GLDC: variants seen among roughly 807,000 people sequenced by gnomAD.
GLDC encodes the protein glycine decarboxylase.
Under a neutral mutation model 121.3 loss-of-function variants are expected in GLDC, and 104 were observed. The observed-to-expected ratio is 0.86, with a 90% CI of 0.73 to 1.01. The LOEUF is 1.01. Ranked by LOEUF, GLDC falls within the 50% of genes least tolerant of loss-of-function variation. The pLI is 0.00. For synonymous variants in GLDC, 546 were observed against 480.6 expected, an observed-to-expected ratio of 1.14 and a Z score of -1.78; for missense variants, 1,429 against 1,306.6, an observed-to-expected ratio of 1.09 and a Z score of -1.44.
At chr9:6,592,114 TGAG>T (rs1818385991) in intron 11 of GLDC, 26 bp downstream of exon 11, 1 of 1,344,132 alleles carries the variant, frequency 7.4e-7, no homozygotes, top group African/African-American at 1.4e-5. Flanking sequence ...ATAGTTATGA[TGAG>T]GAACGCATGT....
At chr9:6,565,597 G>A (rs1027728379) in intron 15 of GLDC, 168 bp from the exon 16 acceptor site, 3 of 695,992 alleles carry the variant, frequency 4.3e-6, no homozygotes, top group Non-Finnish European at 5.3e-6. Flanking sequence ...AAAAGGTCTT[G>A]AACAATCAAA....
intron 16 of GLDC, among the ~76,000 whole-genome samples, chr9:6,564,726 C>T (rs1817820771): frequency 6.6e-6 from 1 of 152,232 alleles, no homozygotes; most frequent in Non-Finnish European, 1.5e-5. Context: ...CAGGCACTGC[C>T]CCTGGGGGGA....
At chr9:6,605,490 C>G (rs891095166) in intron 5 of GLDC, 2 of 612,034 alleles carry the variant, frequency 3.3e-6, no homozygotes, top group African/African-American at 3.6e-5. Context: ...TTCCTCTCTT[C>G]TATCCTCTGA....
At chr9:6,576,671 T>A (rs1240532583) in intron 15 of GLDC, among the ~76,000 whole-genome samples, 5 of 152,134 alleles carry the variant, frequency 3.3e-5, no homozygotes, top group Admixed American at 2.6e-4. Flanking sequence ...TTCACTACGT[T>A]GGCCAGGCTG....
At chr9:6,623,899 A>C (rs1411311998) in intron 2 of GLDC, among the ~76,000 whole-genome samples, 1 of 152,246 alleles carries the variant, frequency 6.6e-6, no homozygotes, top group Non-Finnish European at 1.5e-5. Context: ...GTAGGAGGAA[A>C]GATTAATTAG....
chr9:6,551,543 A>T (rs1429790144), intron 20 of GLDC, among the ~76,000 whole-genome samples: 1 of 152,196 alleles, frequency 6.6e-6, no homozygotes, highest in African/African-American at 2.4e-5. Flanking sequence ...TTAAATACAT[A>T]ACTAATGTAA....
intron 2 of GLDC, among the ~76,000 whole-genome samples, chr9:6,643,617 C>G (rs927565751): frequency 6.6e-6 from 1 of 151,672 alleles, no homozygotes; most frequent in South Asian, 2.1e-4. Context: ...CATAAAAATA[C>G]CCCTGAAAAG....
Position 6,578,126 on chromosome 9 carries a change from GCTT to G in GLDC, c.1850+9012_1850+9014del, listed in dbSNP as rs569248028. Among the ~76,000 whole-genome samples, 24 of 151,718 alleles carry G rather than the reference GCTT, an allele frequency of 1.6e-4. 1 individual carries two copies. In the East Asian group the frequency reaches 3.9e-3, roughly 25 times the overall value. ...GACTAAGTCTCACTATCTGGTCCAG[GCTT>G]CTTTTTTTTTCGAGACAGGATCTTG... On this transcript the variant is annotated intron_variant, in intron 15 of 24. Coordinates refer to ENST00000321612, the MANE Select transcript of GLDC (RefSeq NM_000170.3).
intron 15 of GLDC, among the ~76,000 whole-genome samples, chr9:6,571,767 C>G (rs973749951): frequency 6.6e-6 from 1 of 152,180 alleles, no homozygotes; most frequent in Admixed American, 6.6e-5. Flanking sequence ...TATTTTTGAG[C>G]CAGTTGACCA....
chr9:6,601,710 A>T (rs1173586725), intron 8 of GLDC, among the ~76,000 whole-genome samples: 3 of 152,032 alleles, frequency 2.0e-5, no homozygotes, highest in Non-Finnish European at 2.9e-5. Context: ...CTGCAGCCTC[A>T]ACCTCCCAGA....
At chr9:6,586,214 G>C (rs1418225170) in intron 15 of GLDC, among the ~76,000 whole-genome samples, 1 of 152,136 alleles carries the variant, frequency 6.6e-6, no homozygotes, top group Non-Finnish European at 1.5e-5. Flanking sequence ...AGAATCTCTT[G>C]AATGCAGGAG....
intron 15 of GLDC, chr9:6,567,124 A>G (rs1203938931): frequency 1.3e-5 from 2 of 151,536 alleles, no homozygotes; most frequent in African/African-American, 2.4e-5. Context: ...GGGTTTAGCT[A>G]AAATAAAAAA....
intron 3 of GLDC, among the ~76,000 whole-genome samples, chr9:6,614,796 C>T (rs989835651): frequency 2.6e-5 from 4 of 152,128 alleles, no homozygotes; most frequent in African/African-American, 7.2e-5. Context: ...ATAGAGTGTA[C>T]TTACGTGTAC....
chr9:6,634,803 G>C (rs1305920756), intron 2 of GLDC, among the ~76,000 whole-genome samples: 1 of 152,032 alleles, frequency 6.6e-6, no homozygotes, highest in East Asian at 1.9e-4. Flanking sequence ...ACCTGCATTA[G>C]TTTGGAGGCT....
intron 1 of GLDC, 86 bp from the exon 2 acceptor site, chr9:6,644,778 A>G: frequency 1.1e-6 from 1 of 899,446 alleles, no homozygotes; most frequent in Admixed American, 1.7e-5. Flanking sequence ...CCTTGTGGGA[A>G]CCTCATTGAA....
chr9:6,537,879 A>G (rs969274773), intron 22 of GLDC, among the ~76,000 whole-genome samples: 7 of 152,180 alleles, frequency 4.6e-5, no homozygotes, highest in African/African-American at 1.7e-4. Context: ...TGTTTGCTTT[A>G]TCACATCTAC....
chr9:6,598,970 C>T (rs1818544534), intron 8 of GLDC, among the ~76,000 whole-genome samples: 1 of 151,976 alleles, frequency 6.6e-6, no homozygotes, highest in Admixed American at 6.5e-5. Context: ...CACCTGAGGT[C>T]AGGAGTTCGA....
At chr9:6,625,370 C>T (rs957746998) in intron 2 of GLDC, among the ~76,000 whole-genome samples, 6 of 152,148 alleles carry the variant, frequency 3.9e-5, no homozygotes, top group African/African-American at 1.4e-4. Flanking sequence ...AACTCAATGG[C>T]TGACTTTATT....
intron 21 of GLDC, among the ~76,000 whole-genome samples, chr9:6,549,413 G>A (rs1173909212): frequency 6.6e-6 from 1 of 152,172 alleles, no homozygotes; most frequent in Non-Finnish European, 1.5e-5. Context: ...GAGCCACACG[G>A]CAGCAGGAGG....
Sources: allele counts gnomAD v4.1 joint callset (sites outside exome capture counted in the v4.1 genomes callset), GRCh38; gene constraint gnomAD v4.1.1; transcripts MANE v1.5; gene names NCBI Gene and HGNC (gene_info 2026-07-23, HGNC 2026-07-21).